Variants in SGCZ observed in about 807,000 individuals in gnomAD.
The protein encoded by SGCZ is zeta-sarcoglycan.
A neutral mutation model predicts 41.3 loss-of-function variants in SGCZ; 40 were observed. The ratio of observed to expected loss-of-function variants is 0.97; its 90% confidence interval spans 0.75 to 1.26. SGCZ has a LOEUF of 1.26. Ranked by LOEUF, SGCZ falls within the 50% of genes most tolerant of loss-of-function variation. The pLI, the probability that SGCZ is intolerant of heterozygous loss-of-function variation, is 0.00. For missense variants in SGCZ, 552 were observed against 369.8 expected (o/e 1.49, Z -4.04); for synonymous variants, 206 against 137.5 (o/e 1.50, Z -3.49).
chr8:14,893,276 G>A (rs1805082165), intron 1 of SGCZ, among the ~76,000 whole-genome samples: 1 of 152,026 alleles, frequency 6.6e-6, no homozygotes, highest in Admixed American at 6.6e-5. Flanking sequence ...GGAATGTGGG[G>A]AGCTCTTAGA....
At chr8:14,457,926 T>G (rs1800795871) in intron 2 of SGCZ, among the ~76,000 whole-genome samples, 1 of 152,112 alleles carries the variant, frequency 6.6e-6, no homozygotes, top group Admixed American at 6.5e-5. Context: ...CCTTTCCTCT[T>G]GTCTCTTTGT....
intron 6 of SGCZ, among the ~76,000 whole-genome samples, chr8:14,106,894 C>T (rs1802219744): frequency 6.6e-6 from 1 of 152,148 alleles, no homozygotes; most frequent in African/African-American, 2.4e-5. Context: ...TATTATTAAA[C>T]CATAAGTAAT....
chr8:14,787,263 G>C (rs532317029), intron 1 of SGCZ, among the ~76,000 whole-genome samples: 4 of 152,040 alleles, frequency 2.6e-5, no homozygotes, highest in Non-Finnish European at 5.9e-5. Flanking sequence ...ATGAAATTCA[G>C]GTGTATCCTC....
At chr8:14,618,908 G>T (rs2202988) in intron 1 of SGCZ, among the ~76,000 whole-genome samples, 92,538 of 151,938 alleles carry the variant, frequency 0.61, 28,355 homozygotes, top group East Asian at 0.7. Context: ...GTAAGGAGAG[G>T]TGGAAAAGCA....
intron 1 of SGCZ, among the ~76,000 whole-genome samples, chr8:14,920,894 C>T (rs1233071195): frequency 1.3e-5 from 2 of 152,092 alleles, no homozygotes; most frequent in Admixed American, 6.6e-5. Flanking sequence ...CATGCCTGAA[C>T]CAGAATTGAA....
chr8:14,103,982 C>T (rs1802124368), intron 6 of SGCZ, among the ~76,000 whole-genome samples: 1 of 152,172 alleles, frequency 6.6e-6, no homozygotes, highest in Non-Finnish European at 1.5e-5. Flanking sequence ...CTCTTAGCAA[C>T]ACAGTATCAA....
At chr8:14,878,753 A>G (rs1247180271) in intron 1 of SGCZ, among the ~76,000 whole-genome samples, 1 of 152,204 alleles carries the variant, frequency 6.6e-6, no homozygotes, top group African/African-American at 2.4e-5. Flanking sequence ...GGCAGAGGCA[A>G]TGAAACACAA....
At chr8:14,388,712 A>C (rs935224875) in intron 2 of SGCZ, among the ~76,000 whole-genome samples, 4 of 152,100 alleles carry the variant, frequency 2.6e-5, no homozygotes, top group Non-Finnish European at 5.9e-5. Flanking sequence ...AAGATGAACA[A>C]GCAATGATGG....
At chr8:14,908,616 G>A (rs1799188299) in intron 1 of SGCZ, among the ~76,000 whole-genome samples, 1 of 151,866 alleles carries the variant, frequency 6.6e-6, no homozygotes, top group African/African-American at 2.4e-5. Context: ...CGGGCGTGGT[G>A]ACAGGCACCT....
chr8:14,217,458 A>G (rs1321922365), intron 4 of SGCZ, among the ~76,000 whole-genome samples: 1 of 152,012 alleles, frequency 6.6e-6, no homozygotes, highest in Non-Finnish European at 1.5e-5. Context: ...TGACATTGTA[A>G]GACGTGGGGT....
intron 2 of SGCZ, among the ~76,000 whole-genome samples, chr8:14,482,877 T>G (rs995771514): frequency 2.0e-5 from 3 of 152,010 alleles, no homozygotes; most frequent in African/African-American, 7.2e-5. Context: ...TAGGCTGGAA[T>G]TAACACCACT....
chr8:14,355,645 C>A (rs28408902), intron 2 of SGCZ, among the ~76,000 whole-genome samples: 3,983 of 151,912 alleles, frequency 0.026, 143 homozygotes, highest in African/African-American at 0.09. Flanking sequence ...ACACCAAGTA[C>A]TGTAAAACCT....
chr8:14,787,202 C>A (rs908556024), intron 1 of SGCZ, among the ~76,000 whole-genome samples: 1 of 152,058 alleles, frequency 6.6e-6, no homozygotes, highest in Non-Finnish European at 1.5e-5. Flanking sequence ...GGGGCTGTTA[C>A]AACAAAACAG....
chr8:14,629,010 G>T (rs1340674423), intron 1 of SGCZ, among the ~76,000 whole-genome samples: 1 of 152,084 alleles, frequency 6.6e-6, no homozygotes, highest in African/African-American at 2.4e-5. Flanking sequence ...GTTTGCAAAA[G>T]AACCAGCTGT....
At chr8:15,005,627 C>T (rs1001709649) in intron 1 of SGCZ, among the ~76,000 whole-genome samples, 3 of 133,290 alleles carry the variant, frequency 2.3e-5, no homozygotes, top group East Asian at 2.2e-4. Context: ...CCACTGCACC[C>T]GGCAATCCCC....
chr8:14,325,739 C>CAT (rs1208545855), intron 2 of SGCZ, among the ~76,000 whole-genome samples: 1 of 32,118 alleles, frequency 3.1e-5, no homozygotes, highest in Admixed American at 3.8e-4. Flanking sequence ...CACACACACA[C>CAT]ACACACACAT....
chr8:14,869,597 G>T (rs1585333968), intron 1 of SGCZ, among the ~76,000 whole-genome samples: 3 of 152,246 alleles, frequency 2.0e-5, no homozygotes, highest in Admixed American at 2.0e-4. Context: ...AGGGCAATCA[G>T]GCAAGAGAAA....
chr8:14,231,858 A>C (rs1375914004), intron 4 of SGCZ, among the ~76,000 whole-genome samples: 2 of 152,030 alleles, frequency 1.3e-5, no homozygotes, highest in Non-Finnish European at 2.9e-5. Flanking sequence ...ATTTGGTTAC[A>C]TTTCCTTTTA....
intron 1 of SGCZ, among the ~76,000 whole-genome samples, chr8:14,798,628 A>C (rs1801215327): frequency 6.6e-6 from 1 of 152,302 alleles, no homozygotes; most frequent in African/African-American, 2.4e-5. Context: ...CCACCACTTA[A>C]ACCATTATTA....
Sources: allele counts gnomAD v4.1 joint callset (sites outside exome capture counted in the v4.1 genomes callset), GRCh38; gene constraint gnomAD v4.1.1; transcripts MANE v1.5; gene names NCBI Gene and HGNC (gene_info 2026-07-23, HGNC 2026-07-21).